MOGAT1: variants seen among roughly 807,000 people sequenced by gnomAD.
The protein encoded by MOGAT1 is 2-acylglycerol O-acyltransferase 1.
MOGAT1 carries 32 observed loss-of-function variants against 31.4 expected under a neutral mutation model. The ratio of observed to expected loss-of-function variants is 1.02; its 90% CI spans 0.77 to 1.37. The LOEUF is 1.37. Among genes scored for constraint, MOGAT1 ranks in the 40% most tolerant of loss-of-function variants. MOGAT1 has a pLI of 0.00. For missense variants in MOGAT1, 426 were observed against 402.0 expected (o/e 1.06, Z -0.51); for synonymous variants, 145 against 144.5 (o/e 1.00, Z -0.03).
intron 1 of MOGAT1, among the ~76,000 whole-genome samples, chr2:222,676,819 C>G (rs1692505149): frequency 6.6e-6 from 1 of 152,090 alleles, no homozygotes; most frequent in African/African-American, 2.4e-5. Flanking sequence ...GCACTTGAAG[C>G]TATATAAGGG....
At chr2:222,672,284 C>A (rs1366766114) in intron 1 of MOGAT1, among the ~76,000 whole-genome samples, 1 of 152,180 alleles carries the variant, frequency 6.6e-6, no homozygotes, top group Non-Finnish European at 1.5e-5. Context: ...AAAGTAATGC[C>A]TCAGTAGTTA....
intron 1 of MOGAT1, among the ~76,000 whole-genome samples, chr2:222,687,757 T>C (rs1692695308): frequency 6.6e-6 from 1 of 152,206 alleles, no homozygotes; most frequent in Non-Finnish European, 1.5e-5. Flanking sequence ...ATGAAGTTTG[T>C]TGCTAGAATG....
At chr2:222,706,350 G>A (rs1319825629) in intron 5 of MOGAT1, among the ~76,000 whole-genome samples, 1 of 151,980 alleles carries the variant, frequency 6.6e-6, no homozygotes, top group Admixed American at 6.6e-5. Flanking sequence ...GTGCGTGCCT[G>A]TAATTCCAAC....
chr2:222,688,487 C>T lies in MOGAT1; in HGVS notation c.238C>T (p.Leu80Phe). 6.2e-7 allele frequency: 1 copy of T among 1,613,486 alleles called. No individual in the cohort carries two copies. The highest frequency in any genetic ancestry group is 1.1e-5 in the South Asian group (1 of 90,954). ...RRSSWIKNWT[L>F]WKHFKDYFPI... The stretch of plus-strand genomic sequence containing the variant: ...ATCCAGCTGGATCAAAAATTGGACT[C>T]TTTGGAAACACTTTAAGGACTATTT... Residue 80 changes from leucine (L) to phenylalanine (F), a missense_variant, in exon 2 of 6, where the codon CTT (leucine) becomes TTT (phenylalanine). Leu to Phe is a conservative substitution (Grantham distance 22, BLOSUM62 0). Transcript: ENST00000446656.
intron 3 of MOGAT1, among the ~76,000 whole-genome samples, chr2:222,692,948 AC>A (rs1692784181): frequency 6.6e-6 from 1 of 152,120 alleles, no homozygotes; most frequent in African/African-American, 2.4e-5. Flanking sequence ...GAAGGTTCAA[AC>A]CCATCTAGGC....
At chr2:222,677,655 G>A in intron 1 of MOGAT1, 1 of 368,884 alleles carries the variant, frequency 2.7e-6, no homozygotes, top group Non-Finnish European at 5.4e-6. Context: ...GAGGCTGATA[G>A]CTAAAACTCA....
At position 222,694,618 on chromosome 2, in the gene MOGAT1, C is replaced by T. The variant is rs565472531; in HGVS notation, c.653+82C>T. On this transcript the variant is annotated intron_variant, in intron 4 of 5. Coordinates refer to ENST00000446656, the MANE Select transcript of MOGAT1 (RefSeq NM_058165.3). ...AACCACGAAGAAGTAAGGTGATTTTCTAGCCCTTAAAGACCTCCTCCAAAT... is the reference window on the plus strand; with the variant it reads ...AACCACGAAGAAGTAAGGTGATTTTTTAGCCCTTAAAGACCTCCTCCAAAT... 7.1e-6 allele frequency: 10 copies of T among 1,409,272 alleles called. No homozygotes were observed. The East Asian group carries it at 2.4e-4, about 33-fold the overall frequency. 87.3% of individuals were successfully genotyped at this position (1,409,272 alleles called of 1,614,324 possible).
At chr2:222,702,883 C>T (rs77079896) in intron 5 of MOGAT1, among the ~76,000 whole-genome samples, 4,714 of 150,236 alleles carry the variant, frequency 0.031, 146 homozygotes, top group African/African-American at 0.074. Flanking sequence ...TAAGGGATTT[C>T]GTAAAATATT....
rs200981739 is a variant in MOGAT1, at chr2:222,709,780, G to A, written c.898G>A (p.Glu300Lys). Residue 300 changes from glutamate (E) to lysine (K), a missense_variant, in exon 6 of 6, where the codon GAG becomes AAG. Glu to Lys is a moderately conservative substitution (Grantham distance 56). Transcript: ENST00000446656. ...PVRQTLNPTQ[E>K]QIEELHQTYM... The stretch of plus-strand genomic sequence containing the variant: ...TCGTCAGACTCTGAACCCGACCCAG[G>A]AGCAGATTGAGGAGTTACATCAGAC... 1 of 1,613,414 alleles carries A rather than the reference G, an allele frequency of 6.2e-7. No individual in the cohort carries two copies. Among genetic ancestry groups the A allele is most frequent in the African/African-American group, 1.3e-5 (1 of 74,892 alleles).
intron 1 of MOGAT1, among the ~76,000 whole-genome samples, chr2:222,687,127 A>G (rs1692683515): frequency 8.3e-6 from 1 of 120,760 alleles, no homozygotes; most frequent in African/African-American, 4.1e-5. Context: ...AAAAAAAAAA[A>G]AAAAAAAAAA....
At chr2:222,693,343 C>T (rs922878304) in intron 3 of MOGAT1, among the ~76,000 whole-genome samples, 28 of 151,540 alleles carry the variant, frequency 1.8e-4, no homozygotes, top group African/African-American at 5.3e-4. Context: ...AAATACAGAC[C>T]GAACAATTAT....
chr2:222,681,102 A>G (rs549073672), intron 1 of MOGAT1, among the ~76,000 whole-genome samples: 25 of 152,318 alleles, frequency 1.6e-4, no homozygotes, highest in Non-Finnish European at 3.4e-4. Context: ...TCTTCAATTC[A>G]TGGAAACTGA....
chr2:222,683,623 G>A (rs1472064643), intron 1 of MOGAT1, among the ~76,000 whole-genome samples: 1 of 152,008 alleles, frequency 6.6e-6, no homozygotes, highest in Non-Finnish European at 1.5e-5. Context: ...AGCTACTTGT[G>A]AGGCTGAGGC....
intron 1 of MOGAT1, among the ~76,000 whole-genome samples, chr2:222,687,136 A>AG (rs1692684925): frequency 3.0e-5 from 2 of 67,456 alleles, no homozygotes; most frequent in African/African-American, 1.0e-4. Flanking sequence ...AAAAAAAAAA[A>AG]AAAGAAAGAA....
chr2:222,706,698 C>T (rs1280070307), intron 5 of MOGAT1, among the ~76,000 whole-genome samples: 6 of 152,118 alleles, frequency 3.9e-5, no homozygotes, highest in Non-Finnish European at 8.8e-5. Context: ...TTTACTGGTC[C>T]CTTACCCCTA....
chr2:222,682,827 A>T (rs1036735291), intron 1 of MOGAT1, among the ~76,000 whole-genome samples: 16 of 152,214 alleles, frequency 1.1e-4, no homozygotes, highest in Non-Finnish European at 2.4e-4. Context: ...TCTACAAAAA[A>T]CTTGATGCTA....
At chr2:222,680,520 CTT>C (rs1044276314) in intron 1 of MOGAT1, among the ~76,000 whole-genome samples, 9 of 152,062 alleles carry the variant, frequency 5.9e-5, no homozygotes, top group Admixed American at 2.0e-4. Flanking sequence ...TGAGATTTGT[CTT>C]TTAGCACAAT....
At chr2:222,689,116 A>G in intron 2 of MOGAT1, 149 bp from the exon 3 acceptor site, 2 of 678,164 alleles carry the variant, frequency 2.9e-6, no homozygotes, top group Non-Finnish European at 4.9e-6. Flanking sequence ...AAGATAGTTT[A>G]GAAATTTGGA....
Position 222,695,068 on chromosome 2 carries a change from C to T in MOGAT1, c.654-21C>T. 3.2e-6 allele frequency: 5 copies of T among 1,548,900 alleles called. No homozygotes were observed. The East Asian group carries it at 9.3e-5, about 29-fold the overall frequency. On this transcript the variant is annotated intron_variant, in intron 4 of 5. Transcript: ENST00000446656. ...AATCCTTTTCATTGAAAATTCTCAC[C>T]CGTCCCCTTTGTTATTGCAGCGCCT...
Sources: allele counts gnomAD v4.1 joint callset (sites outside exome capture counted in the v4.1 genomes callset), GRCh38; gene constraint gnomAD v4.1.1; transcripts MANE v1.5; gene names NCBI Gene and HGNC (gene_info 2026-07-23, HGNC 2026-07-21).